The following SCRG1 variants were observed in gnomAD, a reference collection of about 807,000 sequenced individuals.
The protein encoded by SCRG1 is scrapie-responsive protein 1.
In SCRG1, 3 loss-of-function variants were observed where a neutral mutation model predicts 7.7. That is an observed-to-expected ratio of 0.39 (90% confidence interval 0.18 to 1.01). The LOEUF (loss-of-function observed/expected upper bound fraction) is 1.01, where lower values mean the gene tolerates loss of function less well. Ranked by LOEUF, SCRG1 falls within the 50% of genes least tolerant of loss-of-function variation. SCRG1 has a pLI of 0.36. For synonymous variants in SCRG1, 46 were observed against 41.2 expected (o/e 1.12, Z -0.44); for missense variants, 110 against 117.2 (o/e 0.94, Z 0.28).
At chr4:173,438,452 T>A in the SCRG1 span, among the ~76,000 whole-genome samples, 1 of 152,114 alleles carries the variant, frequency 6.6e-6, no homozygotes, top group Admixed American at 6.6e-5. Context: ...GAGCCTGCAG[T>A]TTCAACTAAA....
At chr4:173,471,261 T>C in the SCRG1 span, among the ~76,000 whole-genome samples, 10 of 152,102 alleles carry the variant, frequency 6.6e-5, no homozygotes, top group Non-Finnish European at 1.2e-4. Context: ...CTGGGTACAG[T>C]TGGGAGAAAA....
the SCRG1 span, among the ~76,000 whole-genome samples, chr4:173,478,525 G>C: frequency 6.6e-5 from 10 of 151,958 alleles, no homozygotes; most frequent in Non-Finnish European, 1.5e-4. Context: ...TATTTTCCTC[G>C]CATTTCTGTG....
At chr4:173,499,425 G>A in the SCRG1 span, among the ~76,000 whole-genome samples, 1 of 152,220 alleles carries the variant, frequency 6.6e-6, no homozygotes, top group South Asian at 2.1e-4. This position sits in a 1 kb window ranked among gnomAD's most constrained non-coding sequence, Gnocchi z 4.1. Flanking sequence ...GATAACAGTA[G>A]TAGTAATAGT....
upstream of SCRG1, among the ~76,000 whole-genome samples, chr4:173,403,481 C>T (rs904141440): frequency 4.6e-5 from 7 of 152,086 alleles, no homozygotes; most frequent in Non-Finnish European, 1.0e-4. Context: ...TCTGCGCCGC[C>T]CCGGGAATGC....
intron 1 of SCRG1, among the ~76,000 whole-genome samples, chr4:173,405,710 C>A (rs1252191820): frequency 1.3e-5 from 2 of 152,158 alleles, no homozygotes; most frequent in Admixed American, 1.3e-4. Flanking sequence ...CCTTTAGGGG[C>A]TCCTTTAGTT....
the SCRG1 span, among the ~76,000 whole-genome samples, chr4:173,420,795 G>T: frequency 6.6e-6 from 1 of 152,018 alleles, no homozygotes; most frequent in South Asian, 2.1e-4. Context: ...TCTATAAATT[G>T]CTTGTAAATG....
chr4:173,484,006 ATAT>A, the SCRG1 span, among the ~76,000 whole-genome samples: 18 of 84,582 alleles, frequency 2.1e-4, no homozygotes, highest in Non-Finnish European at 3.5e-4. Flanking sequence ...TATATATTAC[ATAT>A]TATATAATAT....
upstream of SCRG1, among the ~76,000 whole-genome samples, chr4:173,407,876 T>C (rs1164301114): frequency 6.6e-6 from 1 of 152,218 alleles, no homozygotes; most frequent in Non-Finnish European, 1.5e-5. Flanking sequence ...AGCTGTTTCT[T>C]TTACACTGCA....
At chr4:173,411,012 C>A (rs532724529), upstream of SCRG1, among the ~76,000 whole-genome samples, 164 of 152,276 alleles carry the variant, frequency 1.1e-3, 1 homozygote, top group African/African-American at 3.9e-3. Context: ...CCAAGAAGGG[C>A]AGAGTGTGCA....
chr4:173,497,059 T>G, the SCRG1 span, among the ~76,000 whole-genome samples: 1 of 151,916 alleles, frequency 6.6e-6, no homozygotes, highest in Non-Finnish European at 1.5e-5. Context: ...TGAGCTGAGA[T>G]CACACCACTG....
At chr4:173,461,505 C>T in the SCRG1 span, among the ~76,000 whole-genome samples, 18 of 152,228 alleles carry the variant, frequency 1.2e-4, no homozygotes, top group Admixed American at 3.3e-4. Flanking sequence ...AGCATTACTG[C>T]GCTTGGGGTG....
intron 1 of SCRG1, among the ~76,000 whole-genome samples, chr4:173,397,794 G>C (rs1739647694): frequency 6.6e-6 from 1 of 152,220 alleles, no homozygotes; most frequent in South Asian, 2.1e-4. Context: ...CATACAGGCA[G>C]CTGATGTCAG....
chr4:173,510,464 G>A, the SCRG1 span, among the ~76,000 whole-genome samples: 1 of 151,564 alleles, frequency 6.6e-6, no homozygotes, highest in Non-Finnish European at 1.5e-5. The surrounding 1 kb of genome is among the most constrained non-coding windows in gnomAD (Gnocchi z 5.7). Flanking sequence ...GCAAAACAGA[G>A]CCACTTTGGT....
the SCRG1 span, among the ~76,000 whole-genome samples, chr4:173,437,538 A>C: frequency 2.0e-5 from 3 of 152,206 alleles, no homozygotes; most frequent in Non-Finnish European, 2.9e-5. Context: ...GGTCTTATTA[A>C]CTCATTTGCC....
the SCRG1 span, among the ~76,000 whole-genome samples, chr4:173,424,774 T>C: frequency 6.6e-6 from 1 of 152,050 alleles, no homozygotes; most frequent in Non-Finnish European, 1.5e-5. Flanking sequence ...CTGGGCATAG[T>C]GGCATGGGCC....
the SCRG1 span, among the ~76,000 whole-genome samples, chr4:173,483,927 TTCATATATAATATAAA>T: frequency 3.2e-4 from 6 of 18,724 alleles, no homozygotes; most frequent in African/African-American, 5.4e-4. Context: ...TGTTATATAT[TTCATATATAATATAAA>T]TCATATATAA....
the SCRG1 span, among the ~76,000 whole-genome samples, chr4:173,476,363 A>AAAAAAAAATATATATATATAT: frequency 8.0e-4 from 79 of 98,478 alleles, no homozygotes; most frequent in South Asian, 3.0e-3. Context: ...GGAAAAAAAA[A>AAAAAAAAATATATATATATAT]ATATATATAT....
At chr4:173,409,808 T>G (rs1010486033), upstream of SCRG1, among the ~76,000 whole-genome samples, 1 of 151,940 alleles carries the variant, frequency 6.6e-6, no homozygotes, top group Non-Finnish European at 1.5e-5. Flanking sequence ...AGGCTGGTCT[T>G]AAACTCCTGA....
chr4:173,400,705 G>A (rs116699072), upstream of SCRG1, among the ~76,000 whole-genome samples: 3,550 of 152,264 alleles, frequency 0.023, 58 homozygotes, highest in Non-Finnish European at 0.04. Flanking sequence ...ACCCTATGAA[G>A]TAGGTACTAT....
Sources: allele counts gnomAD v4.1 joint callset (sites outside exome capture counted in the v4.1 genomes callset), GRCh38; gene constraint gnomAD v4.1.1; non-coding constraint Gnocchi (gnomAD v3.1); transcripts MANE v1.5; gene names NCBI Gene and HGNC (gene_info 2026-07-23, HGNC 2026-07-21).